CA8: variants seen among roughly 807,000 people sequenced by gnomAD.
CA8 encodes carbonic anhydrase-related protein.
A neutral mutation model predicts 41.4 loss-of-function variants in CA8; 22 were observed. That is an observed-to-expected ratio of 0.53 (90% CI 0.38 to 0.76). CA8 has a LOEUF of 0.76. CA8 is among the 30% of genes least tolerant of loss of function. The pLI, the probability that CA8 is intolerant of heterozygous loss-of-function variation, is 0.00. For synonymous variants in CA8, 121 were observed against 130.6 expected, an observed-to-expected ratio of 0.93 and a Z score of 0.50; for missense variants, 270 against 352.8, an observed-to-expected ratio of 0.77 and a Z score of 1.88.
intron 8 of CA8, among the ~76,000 whole-genome samples, chr8:60,206,383 A>G (rs1480845070): frequency 6.6e-6 from 1 of 151,984 alleles, no homozygotes; most frequent in Non-Finnish European, 1.5e-5. Flanking sequence ...GAGAGAGAAA[A>G]TAATAATAGT....
chr8:60,227,440 A>T (rs1009709628), intron 4 of CA8, among the ~76,000 whole-genome samples: 1 of 152,246 alleles, frequency 6.6e-6, no homozygotes, highest in Non-Finnish European at 1.5e-5. Context: ...AGTATTAGTT[A>T]CGTAAATGTC....
intron 8 of CA8, chr8:60,208,135 A>G (rs893031762): frequency 1.3e-5 from 2 of 152,500 alleles, no homozygotes; most frequent in African/African-American, 4.8e-5. Context: ...GTTCCTTAAG[A>G]GTAAGGAATA....
At chr8:60,197,143 T>C (rs1319151569) in intron 8 of CA8, among the ~76,000 whole-genome samples, 1 of 152,158 alleles carries the variant, frequency 6.6e-6, no homozygotes, top group African/African-American at 2.4e-5. Flanking sequence ...AGTAATCTCA[T>C]TTCTAAGAAT....
At chr8:60,232,508 C>G in intron 3 of CA8, 129 bp from the exon 4 acceptor site, 1 of 752,992 alleles carries the variant, frequency 1.3e-6, no homozygotes, top group South Asian at 1.4e-5. Context: ...CAAGTAGACA[C>G]AAACTACTGG....
intron 3 of CA8, among the ~76,000 whole-genome samples, chr8:60,237,858 C>T (rs1053743441): frequency 3.3e-5 from 5 of 152,202 alleles, no homozygotes; most frequent in Admixed American, 6.5e-5. Context: ...TATAACTCTT[C>T]CCCCCAGCCC....
At chr8:60,268,417 A>ATGGAAAAGAC (rs1285167460) in intron 2 of CA8, among the ~76,000 whole-genome samples, 1 of 152,228 alleles carries the variant, frequency 6.6e-6, no homozygotes, top group African/African-American at 2.4e-5. Flanking sequence ...AATGAATGAT[A>ATGGAAAAGAC]CAGCTTGTAG....
intron 4 of CA8, among the ~76,000 whole-genome samples, 198 bp from the exon 5 acceptor site, chr8:60,227,133 T>C (rs1807469386): frequency 6.6e-6 from 1 of 151,916 alleles, no homozygotes; most frequent in Non-Finnish European, 1.5e-5. Flanking sequence ...CTACTAAAAA[T>C]GCAAAAAATT....
chr8:60,255,456 C>T, intron 3 of CA8, among the ~76,000 whole-genome samples: 1 of 152,128 alleles, frequency 6.6e-6, no homozygotes, highest in East Asian at 1.9e-4. Flanking sequence ...TGAGAACTCA[C>T]CAATTTATAG....
intron 2 of CA8, among the ~76,000 whole-genome samples, chr8:60,278,278 T>A (rs1804303854): frequency 6.6e-6 from 1 of 152,202 alleles, no homozygotes; most frequent in Non-Finnish European, 1.5e-5. Flanking sequence ...ACTTGCCACA[T>A]CAAGTGTACA....
chr8:60,195,959 A>G (rs1292947955), intron 8 of CA8, among the ~76,000 whole-genome samples: 1 of 152,144 alleles, frequency 6.6e-6, no homozygotes, highest in Non-Finnish European at 1.5e-5. Flanking sequence ...GGAAACAGAA[A>G]TCCAAGCACA....
rs201949400 is a variant in CA8, at chr8:60,265,897, T to C, written c.417+28A>G. On this transcript the variant is annotated intron_variant, in intron 3 of 8. Transcript: ENST00000317995. ...TGAATACTTTATTCAGAAAACAAGA[T>C]TTTTACAAGATGATTTGTTATTCTT... is the stretch of plus-strand genomic sequence containing the variant. The C allele has an allele frequency of 1.7e-4, 271 of 1,612,346 alleles. 1 individual carries two copies. Among genetic ancestry groups the C allele is most frequent in the African/African-American group, 5.3e-5 (4 of 74,880 alleles).
intron 7 of CA8, among the ~76,000 whole-genome samples, chr8:60,210,285 C>T (rs1341037915): frequency 6.6e-6 from 1 of 152,188 alleles, no homozygotes; most frequent in African/African-American, 2.4e-5. Context: ...AGTTCACCAT[C>T]TGTGTATCAA....
rs1421276362 is a variant in CA8 at position 60,186,299 on chromosome 8, A to C, written c.*3722T>G. Among the ~76,000 whole-genome samples the C allele has an allele frequency of 6.6e-6, 1 of 152,062 alleles. No homozygotes were observed. Among genetic ancestry groups the C allele is most frequent in the African/African-American group, 2.4e-5 (1 of 41,424 alleles). Reference sequence around the variant, plus strand: ...AGTTCAGAGCTATTTAGTAGTAACTAAATAACTCACTGTAATAAAGTTATT... The same window carrying C: ...AGTTCAGAGCTATTTAGTAGTAACTCAATAACTCACTGTAATAAAGTTATT... On this transcript the variant is annotated 3_prime_UTR_variant, in exon 9 of 9. Transcript: ENST00000317995.
chr8:60,271,150 C>T (rs1336752226), intron 2 of CA8, among the ~76,000 whole-genome samples: 1 of 152,112 alleles, frequency 6.6e-6, no homozygotes, highest in Non-Finnish European at 1.5e-5. Flanking sequence ...CATGACCAGC[C>T]TGGGTAACAT....
chr8:60,258,767 C>A lies in CA8; in HGVS notation c.417+7158G>T, dbSNP rs1006994571. Among the ~76,000 whole-genome samples the A allele has an allele frequency of 2.0e-5, 3 of 152,132 alleles. No individual in the cohort carries two copies. The South Asian group carries it at 6.2e-4, about 32-fold the overall frequency. On this transcript the variant is annotated intron_variant, in intron 3 of 8. Transcript: ENST00000317995. ...TCATCAGGAGTGTGCAACGTAGATCCCTCACATGCGCAGTTCACAATAGGG... is the reference window on the plus strand; with the variant it reads ...TCATCAGGAGTGTGCAACGTAGATCACTCACATGCGCAGTTCACAATAGGG...
intron 3 of CA8, among the ~76,000 whole-genome samples, chr8:60,246,185 C>G (rs1325412036): frequency 6.6e-6 from 1 of 152,134 alleles, no homozygotes; most frequent in Non-Finnish European, 1.5e-5. Flanking sequence ...CTTTATCATC[C>G]CAGCCATCTA....
chr8:60,258,250 T>C (rs893654705), intron 3 of CA8, among the ~76,000 whole-genome samples: 3 of 152,228 alleles, frequency 2.0e-5, no homozygotes, highest in Non-Finnish European at 4.4e-5. Flanking sequence ...GTAGTGATGT[T>C]GGCATATTGT....
At chr8:60,232,447 T>C (rs965219361) in intron 3 of CA8, 68 bp from the exon 4 acceptor site, 1 of 1,045,800 alleles carries the variant, frequency 9.6e-7, no homozygotes, top group Non-Finnish European at 1.5e-6. Flanking sequence ...AGCAAAGATA[T>C]AGCCATTTCT....
chr8:60,254,395 A>C (rs1422646227), intron 3 of CA8, among the ~76,000 whole-genome samples: 2 of 152,108 alleles, frequency 1.3e-5, no homozygotes, highest in Non-Finnish European at 2.9e-5. Context: ...TATGACCCAC[A>C]CCACTGCCTG....
Sources: gnomAD v4.1 joint callset for allele counts (sites outside exome capture counted in the v4.1 genomes callset) on GRCh38, gnomAD v4.1.1 for gene constraint, MANE v1.5 for transcripts, NCBI Gene and HGNC (gene_info 2026-07-23, HGNC 2026-07-21) for gene names.